Variants in TRIO observed in about 807,000 individuals in gnomAD.
TRIO encodes triple functional domain protein.
TRIO carries 58 observed loss-of-function variants against 351.9 expected under a neutral mutation model. That is an observed-to-expected ratio of 0.16 (90% CI 0.13 to 0.21). The LOEUF (loss-of-function observed/expected upper bound fraction) is 0.21. Ranked by LOEUF, TRIO falls within the 10% of genes least tolerant of loss-of-function variation. The pLI is 1.00. For missense variants in TRIO, 3,201 were observed against 4,027.8 expected (o/e 0.79, Z 5.56); for synonymous variants, 1,758 against 1,595.7 (o/e 1.10, Z -2.42).
chr5:14,327,630 C>T (rs973517247), intron 9 of TRIO, among the ~76,000 whole-genome samples: 1 of 152,060 alleles, frequency 6.6e-6, no homozygotes, highest in Non-Finnish European at 1.5e-5. Context: ...TAATTTTTCT[C>T]TTTACGTAAG....
At chr5:14,258,985 A>G (rs777512774) in intron 1 of TRIO, among the ~76,000 whole-genome samples, 6 of 151,968 alleles carry the variant, frequency 3.9e-5, no homozygotes, top group African/African-American at 7.3e-5. Flanking sequence ...CTAAGTACCA[A>G]CCTCCCCTGA....
intron 1 of TRIO, among the ~76,000 whole-genome samples, chr5:14,181,138 CT>C (rs1435646739): frequency 1.3e-5 from 2 of 148,640 alleles, no homozygotes; most frequent in Non-Finnish European, 3.0e-5. Flanking sequence ...AGGCTCTTAC[CT>C]TTTTGTAGGA....
At chr5:14,162,830 A>C (rs539147504) in intron 1 of TRIO, among the ~76,000 whole-genome samples, 11 of 152,052 alleles carry the variant, frequency 7.2e-5, no homozygotes, top group African/African-American at 2.7e-4. Context: ...CTTTTGAGAC[A>C]GTGTCTCTCT....
At chr5:14,404,239 G>A (rs1189691919) in intron 31 of TRIO, among the ~76,000 whole-genome samples, 4 of 151,992 alleles carry the variant, frequency 2.6e-5, no homozygotes, top group African/African-American at 9.7e-5. Context: ...CACTTCTCTA[G>A]TCTGGAAAAG....
chr5:14,249,994 C>T (rs1267574836), intron 1 of TRIO, among the ~76,000 whole-genome samples: 1 of 152,210 alleles, frequency 6.6e-6, no homozygotes, highest in Non-Finnish European at 1.5e-5. Context: ...CTCGAAAAGG[C>T]ACAGGGAAAT....
intron 37 of TRIO, among the ~76,000 whole-genome samples, chr5:14,467,139 ACT>A (rs1754321074): frequency 6.6e-6 from 1 of 152,192 alleles, no homozygotes; most frequent in African/African-American, 2.4e-5. Flanking sequence ...CCTAATACAT[ACT>A]TGTTTCCCAT....
chr5:14,233,971 A>G (rs1793625072), intron 1 of TRIO, among the ~76,000 whole-genome samples: 1 of 151,776 alleles, frequency 6.6e-6, no homozygotes, highest in African/African-American at 2.4e-5. Context: ...AAATTTTTGT[A>G]TGTGTGTGTG....
chr5:14,144,752 C>T (rs535368420), intron 1 of TRIO, among the ~76,000 whole-genome samples: 16 of 151,992 alleles, frequency 1.1e-4, no homozygotes, highest in African/African-American at 3.6e-4. Context: ...GCGCAGGGGG[C>T]GTGACAGGGC....
intron 34 of TRIO, among the ~76,000 whole-genome samples, chr5:14,435,182 G>T (rs1452314689): frequency 2.6e-5 from 4 of 152,176 alleles, no homozygotes. Context: ...TTTGAAGGCT[G>T]AGTACAGCAG....
chr5:14,180,172 C>T (rs978250041), intron 1 of TRIO, among the ~76,000 whole-genome samples: 1 of 148,552 alleles, frequency 6.7e-6, no homozygotes, highest in African/African-American at 2.5e-5. Context: ...GCGTTATATT[C>T]CCTAGTTTTC....
At chr5:14,424,540 G>A (rs1031586599) in intron 34 of TRIO, among the ~76,000 whole-genome samples, 4 of 152,118 alleles carry the variant, frequency 2.6e-5, no homozygotes, top group Non-Finnish European at 5.9e-5. Context: ...GGTGACTTGA[G>A]CCTCTAAACC....
chr5:14,302,958 G>A (rs1738030205), intron 7 of TRIO, among the ~76,000 whole-genome samples: 1 of 152,260 alleles, frequency 6.6e-6, no homozygotes, highest in Non-Finnish European at 1.5e-5. Context: ...AAATTTGGCA[G>A]TGATTTCTCA....
At chr5:14,258,109 G>A (rs750305990) in intron 1 of TRIO, among the ~76,000 whole-genome samples, 2 of 152,202 alleles carry the variant, frequency 1.3e-5, no homozygotes, top group Non-Finnish European at 2.9e-5. Flanking sequence ...ACAAAATTTC[G>A]TTTTGAGTTG....
intron 5 of TRIO, among the ~76,000 whole-genome samples, 187 bp from the exon 6 acceptor site, chr5:14,292,825 G>T (rs1737027848): frequency 6.6e-6 from 1 of 152,200 alleles, no homozygotes; most frequent in East Asian, 1.9e-4. Context: ...AGATTTTCTG[G>T]TAGGTCCTGC....
At chr5:14,329,349 C>T (rs1243483954) in intron 9 of TRIO, among the ~76,000 whole-genome samples, 1 of 152,224 alleles carries the variant, frequency 6.6e-6, no homozygotes, top group Non-Finnish European at 1.5e-5. Flanking sequence ...GTGGGGCTTC[C>T]AGGAGGGAAT....
chr5:14,279,558 A>T (rs964196865), intron 2 of TRIO, among the ~76,000 whole-genome samples: 3 of 152,352 alleles, frequency 2.0e-5, no homozygotes, highest in Middle Eastern at 3.4e-3. Flanking sequence ...GATGGAAGTA[A>T]TAAAATAAAT....
At chr5:14,236,781 A>G (rs1026623290) in intron 1 of TRIO, among the ~76,000 whole-genome samples, 4 of 152,150 alleles carry the variant, frequency 2.6e-5, no homozygotes, top group Non-Finnish European at 5.9e-5. Context: ...ATATTCACCT[A>G]CAGAGTTGTG....
At chr5:14,161,471 C>G (rs890191494) in intron 1 of TRIO, among the ~76,000 whole-genome samples, 6 of 152,158 alleles carry the variant, frequency 3.9e-5, no homozygotes, top group African/African-American at 1.2e-4. Context: ...GAACTGGATT[C>G]TGGACTGGTT....
chr5:14,362,820 G>C (rs144147432), intron 13 of TRIO, among the ~76,000 whole-genome samples: 1 of 152,060 alleles, frequency 6.6e-6, no homozygotes, highest in Non-Finnish European at 1.5e-5. Context: ...TTTTTCTCAC[G>C]ACAGTTTACT....
Sources: allele counts gnomAD v4.1 joint callset (sites outside exome capture counted in the v4.1 genomes callset), GRCh38; gene constraint gnomAD v4.1.1; transcripts MANE v1.5; gene names NCBI Gene and HGNC (gene_info 2026-07-23, HGNC 2026-07-21).